MAP7: variants seen among roughly 807,000 people sequenced by gnomAD.
The protein encoded by MAP7 is microtubule associated protein 7.
MAP7 carries 52 observed loss-of-function variants against 94.8 expected under a neutral mutation model. The observed-to-expected ratio is 0.55, with a 90% CI of 0.44 to 0.69. The LOEUF (loss-of-function observed/expected upper bound fraction) is 0.69, where lower values mean the gene tolerates loss of function less well. Ranked by LOEUF, MAP7 falls within the 30% of genes least tolerant of loss-of-function variation. MAP7 has a pLI of 0.00. For synonymous variants in MAP7, 350 were observed against 357.0 expected (o/e 0.98, Z 0.22); for missense variants, 940 against 964.6 (o/e 0.97, Z 0.34).
At chr6:136,360,071 G>GA in intron 13 of MAP7, 40 bp from the exon 14 acceptor site, 5 of 1,502,614 alleles carry the variant, frequency 3.3e-6, no homozygotes, top group South Asian at 1.2e-5. Context: ...ATTAGACACA[G>GA]AAAAAAAGCC....
At chr6:136,440,662 T>C (rs1178813162) in intron 1 of MAP7, among the ~76,000 whole-genome samples, 3 of 152,328 alleles carry the variant, frequency 2.0e-5, no homozygotes, top group East Asian at 3.9e-4. Context: ...TGTTTACTGC[T>C]TTGTAATTTT....
intron 1 of MAP7, among the ~76,000 whole-genome samples, chr6:136,470,776 G>C: frequency 6.6e-6 from 1 of 151,918 alleles, no homozygotes; most frequent in East Asian, 1.9e-4. Context: ...ATGTATAAAT[G>C]AAAAGATGAA....
intron 16 of MAP7, among the ~76,000 whole-genome samples, chr6:136,355,139 C>T (rs986938113): frequency 6.6e-6 from 1 of 152,070 alleles, no homozygotes; most frequent in African/African-American, 2.4e-5. Flanking sequence ...AACACCACTG[C>T]ATCCAGCTTG....
Position 136,343,861 on chromosome 6 carries a change from G to C in MAP7, c.*367C>G, listed in dbSNP as rs139147922. On this transcript the variant is annotated 3_prime_UTR_variant, in exon 18 of 18. Coordinates refer to ENST00000354570, the MANE Select transcript of MAP7 (RefSeq NM_003980.6). ...TTATAAAAGGTAAAAAATTTTTTTTGCCAATTTTACATGTTAAGCTTTTAA... is the reference window on the plus strand; with the variant it reads ...TTATAAAAGGTAAAAAATTTTTTTTCCCAATTTTACATGTTAAGCTTTTAA... 1,247 of 160,136 alleles carry C rather than the reference G, an allele frequency of 7.8e-3. 17 individuals carry two copies. Among genetic ancestry groups the C allele is most frequent in the African/African-American group, 0.027 (1,144 of 41,860 alleles). The allele number at this position is 160,136 out of a possible 1,614,324, so 9.9% of individuals were successfully genotyped here.
At chr6:136,512,726 T>C (rs1823629378) in intron 1 of MAP7, among the ~76,000 whole-genome samples, 1 of 152,226 alleles carries the variant, frequency 6.6e-6, no homozygotes, top group African/African-American at 2.4e-5. Flanking sequence ...TTGGAGCCTT[T>C]AGTGAGTTGT....
intron 1 of MAP7, among the ~76,000 whole-genome samples, chr6:136,468,166 A>C (rs1807742163): frequency 6.6e-6 from 1 of 152,240 alleles, no homozygotes; most frequent in South Asian, 2.1e-4. Context: ...CCTTGCGTGC[A>C]TGGCTCCTTA....
chr6:136,384,356 TAAG>T (rs753595324), intron 5 of MAP7, among the ~76,000 whole-genome samples: 21 of 152,322 alleles, frequency 1.4e-4, no homozygotes, highest in Non-Finnish European at 2.4e-4. Context: ...AAAGGATTTT[TAAG>T]AAACGTTCCT....
At chr6:136,473,786 A>G (rs1001304882) in intron 1 of MAP7, among the ~76,000 whole-genome samples, 1 of 152,160 alleles carries the variant, frequency 6.6e-6, no homozygotes, top group Non-Finnish European at 1.5e-5. Flanking sequence ...ATATTTTGCC[A>G]AAGAGAACCC....
intron 1 of MAP7, among the ~76,000 whole-genome samples, chr6:136,447,543 T>C (rs1562410503): frequency 6.6e-6 from 1 of 152,240 alleles, no homozygotes; most frequent in Non-Finnish European, 1.5e-5. Flanking sequence ...TCATAAATTT[T>C]TTAAAAACTT....
chr6:136,456,825 A>AGAAG lies in MAP7; in HGVS notation c.68-35030_68-35027dup, dbSNP rs1562422421. 2.9e-3 allele frequency among the ~76,000 whole-genome samples: 342 copies of AGAAG among 119,926 alleles called. 2 individuals are homozygous for AGAAG. Among genetic ancestry groups the AGAAG allele is most frequent in the Middle Eastern group, 4.2e-3 (1 of 236 alleles). The allele number at this position is 119,926 out of a possible 152,430, so 78.7% of individuals were successfully genotyped here. Reference sequence around the variant, plus strand: ...AGAAGAAGAAGAAGAAGAAGAAGGAAGAAGAAGAAGAAGAAGAAGAAGAGG... The same window carrying AGAAG: ...AGAAGAAGAAGAAGAAGAAGAAGGAAGAAGGAAGAAGAAGAAGAAGAAGAAGAGG... On this transcript the variant is annotated intron_variant, in intron 1 of 17. Coordinates refer to ENST00000354570, the MANE Select transcript of MAP7 (RefSeq NM_003980.6).
intron 12 of MAP7, 70 bp downstream of exon 12, chr6:136,360,935 C>A: frequency 6.5e-7 from 1 of 1,546,216 alleles, no homozygotes; most frequent in African/African-American, 1.4e-5. Context: ...CCAGTCCGCA[C>A]CCTCCTCTGC....
intron 16 of MAP7, among the ~76,000 whole-genome samples, chr6:136,351,773 T>A (rs984922057): frequency 6.6e-6 from 1 of 152,260 alleles, no homozygotes. Context: ...TCTGTGAAAC[T>A]GGATCCAGAC....
chr6:136,374,968 G>C (rs1032845102), intron 7 of MAP7, among the ~76,000 whole-genome samples: 2 of 151,706 alleles, frequency 1.3e-5, no homozygotes, highest in Non-Finnish European at 2.9e-5. Context: ...ATCCCAAATA[G>C]TTAATTAAAC....
intron 2 of MAP7, among the ~76,000 whole-genome samples, chr6:136,417,045 G>A (rs1461127446): frequency 3.9e-5 from 6 of 152,126 alleles, no homozygotes; most frequent in African/African-American, 1.4e-4. Flanking sequence ...CTTGAGGCTG[G>A]GAGATCTAGG....
intron 1 of MAP7, among the ~76,000 whole-genome samples, chr6:136,535,060 G>A (rs1021109822): frequency 1.4e-4 from 21 of 152,168 alleles, no homozygotes; most frequent in African/African-American, 5.1e-4. Flanking sequence ...CAGTTTGGAT[G>A]CTTGTCTCCT....
In MAP7 at chr6:136,362,633, A is replaced by ACCGGGGCTGGAGCTGGGG. The variant is rs756710723; in HGVS notation, c.1325_1342dup (p.Ala442_Pro447dup). On this transcript the variant is annotated inframe_insertion, in exon 11 of 18. Transcript: ENST00000354570. ...GGCTGAGACCATGGCTGGGGTGGGG[A>ACCGGGGCTGGAGCTGGGG]CCGGGGCTGGAGCTGGGGCCGAGGC... is the stretch of plus-strand genomic sequence containing the variant. 10 of 1,611,410 alleles carry ACCGGGGCTGGAGCTGGGG rather than the reference A, an allele frequency of 6.2e-6. No individual in the cohort carries two copies. Among genetic ancestry groups the ACCGGGGCTGGAGCTGGGG allele is most frequent in the East Asian group, 2.2e-5 (1 of 44,822 alleles).
At chr6:136,526,672 G>A in intron 1 of MAP7, 4 of 985,520 alleles carry the variant, frequency 4.1e-6, no homozygotes, top group Non-Finnish European at 4.8e-6. Context: ...GGAGGAGAAA[G>A]AGTTTTGCTT....
At chr6:136,479,319 T>A (rs1812014955) in intron 1 of MAP7, among the ~76,000 whole-genome samples, 1 of 152,270 alleles carries the variant, frequency 6.6e-6, no homozygotes, top group East Asian at 1.9e-4. Flanking sequence ...CCTTTCATGA[T>A]AAAAATCCTA....
At chr6:136,370,776 G>C (rs1216820572) in intron 8 of MAP7, among the ~76,000 whole-genome samples, 1 of 152,018 alleles carries the variant, frequency 6.6e-6, no homozygotes, top group Admixed American at 6.6e-5. Context: ...ATGGGGAGTT[G>C]TTTAATGGGT....
Sources: gnomAD v4.1 joint callset for allele counts (sites outside exome capture counted in the v4.1 genomes callset) on GRCh38, gnomAD v4.1.1 for gene constraint, MANE v1.5 for transcripts, NCBI Gene and HGNC (gene_info 2026-07-23, HGNC 2026-07-21) for gene names.